The following ADAMTS19 variants were observed in gnomAD, a reference collection of about 807,000 sequenced individuals.
The protein encoded by ADAMTS19 is A disintegrin and metalloproteinase with thrombospondin motifs 19.
In ADAMTS19, 93 loss-of-function variants were observed where a neutral mutation model predicts 153.3. The observed-to-expected ratio is 0.61, with a 90% CI of 0.51 to 0.72. The LOEUF is 0.72. ADAMTS19 is among the 30% of genes least tolerant of loss of function. The probability of loss-of-function intolerance (pLI) is 0.00; values close to 1 mark genes in which losing one functional copy is unlikely to be tolerated. For missense variants in ADAMTS19, 1,482 were observed against 1,552.1 expected (o/e 0.95, Z 0.76); for synonymous variants, 600 against 556.6 (o/e 1.08, Z -1.10).
At chr5:129,623,673 C>T (rs900554638) in intron 10 of ADAMTS19, among the ~76,000 whole-genome samples, 6 of 152,038 alleles carry the variant, frequency 3.9e-5, no homozygotes, top group African/African-American at 1.4e-4. Flanking sequence ...TCAGTTTCAC[C>T]CACCAGTATG....
intron 8 of ADAMTS19, among the ~76,000 whole-genome samples, chr5:129,611,106 G>A (rs993289495): frequency 3.9e-5 from 6 of 152,020 alleles, no homozygotes; most frequent in African/African-American, 1.2e-4. Flanking sequence ...GTGTCTGTTC[G>A]TATCCTTCAC....
chr5:129,702,704 G>C (rs1755934401), intron 20 of ADAMTS19, among the ~76,000 whole-genome samples: 1 of 151,628 alleles, frequency 6.6e-6, no homozygotes, highest in African/African-American at 2.4e-5. Flanking sequence ...CTGGAGAGAA[G>C]AATCACATGA....
chr5:129,464,008 C>T (rs570873086), intron 2 of ADAMTS19, among the ~76,000 whole-genome samples: 2 of 152,202 alleles, frequency 1.3e-5, no homozygotes, highest in South Asian at 4.1e-4. Flanking sequence ...GTGGGGAATG[C>T]TTCCCAAAGC....
intron 7 of ADAMTS19, among the ~76,000 whole-genome samples, chr5:129,592,235 C>T (rs1750168670): frequency 6.6e-6 from 1 of 151,820 alleles, no homozygotes; most frequent in Non-Finnish European, 1.5e-5. Flanking sequence ...AACAAATTAG[C>T]CGGGTATGGT....
intron 16 of ADAMTS19, among the ~76,000 whole-genome samples, chr5:129,674,470 T>C (rs1038046512): frequency 7.2e-5 from 11 of 152,170 alleles, no homozygotes; most frequent in Non-Finnish European, 1.5e-4. Flanking sequence ...CTTAATTCCT[T>C]TGTGTCTTTT....
At chr5:129,581,697 G>A (rs1418741047) in intron 7 of ADAMTS19, among the ~76,000 whole-genome samples, 1 of 151,818 alleles carries the variant, frequency 6.6e-6, no homozygotes, top group Non-Finnish European at 1.5e-5. Context: ...GTGATGTTAG[G>A]GTGTTGTTGT....
At chr5:129,518,169 A>G (rs764163859) in intron 3 of ADAMTS19, among the ~76,000 whole-genome samples, 2 of 151,948 alleles carry the variant, frequency 1.3e-5, no homozygotes, top group Non-Finnish European at 2.9e-5. Context: ...AAAAGTTTTT[A>G]TAGTTATTAG....
chr5:129,654,429 G>A lies in ADAMTS19; in HGVS notation c.2300G>A (p.Cys767Tyr). ...TTAGATATCTGTGCAAATGGCAGGT[G>A]CCAGGTAAGACATTCCAAAAAAAAA... ...QGLDICANGR[C>Y]QKVGCDGLLG... Residue 767 changes from cysteine to tyrosine, a missense_variant, in exon 14 of 23, where the codon TGC becomes TAC. Transcript: ENST00000274487. 1 of 1,606,332 alleles carries A rather than the reference G, an allele frequency of 6.2e-7. No homozygotes were observed. The highest frequency in any genetic ancestry group is 1.3e-5 in the African/African-American group (1 of 74,366).
chr5:129,735,022 T>C lies in ADAMTS19; in HGVS notation c.3403T>C (p.Ser1135Pro), dbSNP rs759180317. The C allele has an allele frequency of 6.2e-7, 1 of 1,612,068 alleles. No homozygotes were observed. Among genetic ancestry groups the C allele is most frequent in the Admixed American group, 1.7e-5 (1 of 59,782 alleles). The change falls in exon 22 of 23, where the codon TCA (serine) becomes CCA (proline). Residue 1135 changes from serine to proline, a missense_variant. Around this residue, in one of 2 missense-constraint regions of ADAMTS19, gnomAD observed 616 missense variants for 724.4 expected, o/e 0.85. Transcript: ENST00000274487. ...AAGACATGGAAATGAATGTTTTTCC[T>C]CAGAAAAACCTGCAGCATACAGGCC... ...TGRHGNECFS[S>P]EKPAAYRPCH...
At chr5:129,598,167 A>G (rs73785213) in intron 8 of ADAMTS19, among the ~76,000 whole-genome samples, 5,777 of 152,218 alleles carry the variant, frequency 0.038, 344 homozygotes, top group African/African-American at 0.13. Flanking sequence ...ATTTGACATA[A>G]AAGTAAGATT....
chr5:129,724,990 G>A (rs1365582228), intron 21 of ADAMTS19, among the ~76,000 whole-genome samples: 1 of 152,078 alleles, frequency 6.6e-6, no homozygotes, highest in East Asian at 1.9e-4. Flanking sequence ...TATTGGCACA[G>A]TTGCCGGCAT....
At chr5:129,480,709 C>G (rs1750377650) in intron 2 of ADAMTS19, among the ~76,000 whole-genome samples, 1 of 152,132 alleles carries the variant, frequency 6.6e-6, no homozygotes, top group Admixed American at 6.6e-5. Flanking sequence ...CAAAGATTCA[C>G]AGCAGATTTT....
rs535058115 is a variant in ADAMTS19 at position 129,583,640 on chromosome 5, T to C, written c.1373-12919T>C. ...ATTCCTTTTTCTCTAATCTTGTCTT[T>C]GTGCTTTATTTCATTAATGTGATCT... is the stretch of plus-strand genomic sequence containing the variant. On this transcript the variant is annotated intron_variant, in intron 7 of 22. Transcript: ENST00000274487. Among the ~76,000 whole-genome samples the C allele has an allele frequency of 2.0e-5, 3 of 151,954 alleles. No homozygotes were observed. The East Asian group carries it at 5.9e-4, about 30-fold the overall frequency.
chr5:129,493,896 A>G (rs1414427588), intron 2 of ADAMTS19, among the ~76,000 whole-genome samples: 2 of 152,130 alleles, frequency 1.3e-5, no homozygotes, highest in Non-Finnish European at 2.9e-5. Flanking sequence ...TGGAAGACAG[A>G]GATGACTATT....
chr5:129,624,307 T>C (rs1161286514), intron 10 of ADAMTS19, among the ~76,000 whole-genome samples: 1 of 152,082 alleles, frequency 6.6e-6, no homozygotes, highest in East Asian at 1.9e-4. Flanking sequence ...CTGTCTCCGG[T>C]ACCTCTCTGA....
intron 10 of ADAMTS19, among the ~76,000 whole-genome samples, chr5:129,623,600 C>G (rs2126982928): frequency 2.0e-5 from 3 of 152,214 alleles, no homozygotes; most frequent in Middle Eastern, 6.8e-3. Context: ...ATTGAATGCT[C>G]TCTTTGGTTT....
chr5:129,533,102 C>CA (rs541197885), intron 6 of ADAMTS19, among the ~76,000 whole-genome samples: 439 of 140,912 alleles, frequency 3.1e-3, no homozygotes, highest in South Asian at 9.1e-3. Context: ...GACTCCACCA[C>CA]AAAAAAAAAA....
intron 15 of ADAMTS19, among the ~76,000 whole-genome samples, chr5:129,663,782 T>C (rs1175397347): frequency 6.6e-6 from 1 of 152,198 alleles, no homozygotes; most frequent in African/African-American, 2.4e-5. Context: ...GAATGTTTGA[T>C]AGTTTCAAAT....
chr5:129,712,202 T>TGAAC (rs1756514620), intron 21 of ADAMTS19, among the ~76,000 whole-genome samples: 3 of 152,170 alleles, frequency 2.0e-5, no homozygotes, highest in Admixed American at 2.0e-4. Flanking sequence ...CAGGAAAATG[T>TGAAC]GAACAGCTAT....
Sources: gnomAD v4.1 joint callset for allele counts (sites outside exome capture counted in the v4.1 genomes callset) on GRCh38, gnomAD v4.1.1 for gene constraint, gnomAD v4.1.1 regional missense constraint, MANE v1.5 for transcripts, NCBI Gene and HGNC (gene_info 2026-07-23, HGNC 2026-07-21) for gene names.